The following DYSF variants were observed in gnomAD, a reference collection of about 807,000 sequenced individuals.
DYSF encodes the protein dysferlin.
Under a neutral mutation model 274.9 loss-of-function variants are expected in DYSF, and 212 were observed. The ratio of observed to expected loss-of-function variants is 0.77; its 90% CI spans 0.69 to 0.86. The LOEUF is 0.86. DYSF is among the 40% of genes least tolerant of loss of function. The pLI is 0.00. For missense variants in DYSF, 2,666 were observed against 2,783.2 expected (o/e 0.96, Z 0.95); for synonymous variants, 1,091 against 1,078.7 (o/e 1.01, Z -0.22).
chr2:71,518,252 A>G (rs901757620), intron 10 of DYSF, among the ~76,000 whole-genome samples: 1 of 147,396 alleles, frequency 6.8e-6, no homozygotes, highest in African/African-American at 2.5e-5. Context: ...GGAGACCTGT[A>G]TGATTTTTTT....
chr2:71,455,256 G>C (rs1391740957), intron 1 of DYSF, among the ~76,000 whole-genome samples: 3 of 152,190 alleles, frequency 2.0e-5, no homozygotes, highest in Non-Finnish European at 4.4e-5. Context: ...ATGAGCAAGG[G>C]ATCATGTCAT....
At chr2:71,599,316 G>A (rs903767329) in intron 33 of DYSF, among the ~76,000 whole-genome samples, 3 of 152,234 alleles carry the variant, frequency 2.0e-5, no homozygotes, top group Non-Finnish European at 2.9e-5. Context: ...CTAGCTGCAC[G>A]AGGCTGCCCA....
chr2:71,515,936 C>CACAGGA, intron 8 of DYSF, among the ~76,000 whole-genome samples, 185 bp downstream of exon 8: 1 of 152,316 alleles, frequency 6.6e-6, no homozygotes, highest in East Asian at 1.9e-4. Flanking sequence ...CTTACTTCTC[C>CACAGGA]TGCTGCTCCA....
intron 32 of DYSF, among the ~76,000 whole-genome samples, chr2:71,598,217 G>C (rs2093453259): frequency 6.6e-6 from 1 of 152,230 alleles, no homozygotes; most frequent in Non-Finnish European, 1.5e-5. Flanking sequence ...ATGCTTGCTG[G>C]ATGAATGAAT....
chr2:71,582,685 C>T (rs929230491), intron 30 of DYSF, among the ~76,000 whole-genome samples: 20 of 152,290 alleles, frequency 1.3e-4, no homozygotes, highest in African/African-American at 3.9e-4. Context: ...AAACAATCCC[C>T]AGCCCTGGTT....
rs2091788049 is a variant in DYSF at position 71,561,782 on chromosome 2, C to G, written c.2247C>G (p.Pro749=). ...SQPLGDIHET[P]SATHLDQYLY... Reference sequence around the variant, plus strand: ...CTCTGGGTGACATCCATGAGACACCCTCTGCCACCCACCTGGACCAGTACC... The same window carrying G: ...CTCTGGGTGACATCCATGAGACACCGTCTGCCACCCACCTGGACCAGTACC... Residue 749 remains proline (P), a synonymous_variant, in exon 23 of 56, where the codon CCC becomes CCG. Transcript: ENST00000410020. 6.2e-7 allele frequency: 1 copy of G among 1,614,066 alleles called. No individual in the cohort carries two copies. Among genetic ancestry groups the G allele is most frequent in the South Asian group, 1.1e-5 (1 of 91,088 alleles).
At chr2:71,631,362 A>G (rs924662822) in intron 41 of DYSF, among the ~76,000 whole-genome samples, 6 of 152,228 alleles carry the variant, frequency 3.9e-5, no homozygotes, top group Non-Finnish European at 7.3e-5. Context: ...TCCTAAGGAC[A>G]TGTATTTGGC....
chr2:71,463,791 T>C (rs1558919315), upstream of DYSF, among the ~76,000 whole-genome samples: 1 of 152,216 alleles, frequency 6.6e-6, no homozygotes, highest in Admixed American at 6.5e-5. Context: ...TTAGGACACA[T>C]ACCTCTAGCT....
chr2:71,582,719 G>A (rs962977844), intron 30 of DYSF, among the ~76,000 whole-genome samples: 1 of 152,156 alleles, frequency 6.6e-6, no homozygotes, highest in East Asian at 1.9e-4. Flanking sequence ...GATTTCCATG[G>A]TGTAGCTGTT....
chr2:71,499,066 A>G (rs1354181913), intron 3 of DYSF, among the ~76,000 whole-genome samples: 4 of 152,270 alleles, frequency 2.6e-5, no homozygotes, highest in Admixed American at 6.5e-5. Flanking sequence ...TTAAAAACGC[A>G]GTGAAAATTC....
chr2:71,459,825 A>T (rs1385449187), intron 1 of DYSF, among the ~76,000 whole-genome samples: 1 of 152,100 alleles, frequency 6.6e-6, no homozygotes, highest in Non-Finnish European at 1.5e-5. Context: ...ACCTGTCATC[A>T]GTGACTACAG....
At chr2:71,559,576 G>C (rs2091581122) in intron 22 of DYSF, among the ~76,000 whole-genome samples, 1 of 152,198 alleles carries the variant, frequency 6.6e-6, no homozygotes, top group Non-Finnish European at 1.5e-5. Context: ...CTGAAGCTCT[G>C]CGCTAGTTTG....
chr2:71,475,778 T>G (rs753794103), intron 1 of DYSF, among the ~76,000 whole-genome samples: 2 of 152,188 alleles, frequency 1.3e-5, no homozygotes, highest in Non-Finnish European at 1.5e-5. Flanking sequence ...GAGATTATTT[T>G]ATTTTTTAGA....
chr2:71,620,053 G>C (rs989687175), intron 40 of DYSF, among the ~76,000 whole-genome samples: 2 of 152,220 alleles, frequency 1.3e-5, no homozygotes, highest in African/African-American at 4.8e-5. Flanking sequence ...ATGATGCCCT[G>C]GTTCTTGTCC....
chr2:71,654,505 G>A (rs1341927628), intron 42 of DYSF, among the ~76,000 whole-genome samples: 3 of 152,194 alleles, frequency 2.0e-5, no homozygotes, highest in Admixed American at 2.0e-4. Context: ...GTTGATGGCT[G>A]GGTCTGGTGG....
chr2:71,467,315 T>C (rs2081604255), intron 1 of DYSF, among the ~76,000 whole-genome samples: 1 of 151,986 alleles, frequency 6.6e-6, no homozygotes, highest in Non-Finnish European at 1.5e-5. Context: ...GTGTAGATGA[T>C]GTGCTTTGAA....
chr2:71,490,959 G>A (rs1473584140), intron 3 of DYSF, among the ~76,000 whole-genome samples: 2 of 151,746 alleles, frequency 1.3e-5, no homozygotes, highest in Admixed American at 1.3e-4. Context: ...TTTTCTTTAG[G>A]ATAGGTCGTT....
At chr2:71,559,837 C>G (rs1386717352) in intron 22 of DYSF, among the ~76,000 whole-genome samples, 1 of 152,218 alleles carries the variant, frequency 6.6e-6, no homozygotes, top group Non-Finnish European at 1.5e-5. Flanking sequence ...GGTCTCATCT[C>G]TGGAGGCAGC....
At chr2:71,585,527 G>C (rs746877045) in intron 30 of DYSF, among the ~76,000 whole-genome samples, 41 of 152,184 alleles carry the variant, frequency 2.7e-4, no homozygotes, top group Non-Finnish European at 5.3e-4. Context: ...TGCTTTGAGA[G>C]AAATTCCCCA....
Sources: allele counts gnomAD v4.1 joint callset (sites outside exome capture counted in the v4.1 genomes callset), GRCh38; gene constraint gnomAD v4.1.1; transcripts MANE v1.5; gene names NCBI Gene and HGNC (gene_info 2026-07-23, HGNC 2026-07-21).